STEAP1B: variants seen among roughly 807,000 people sequenced by gnomAD.
STEAP1B encodes STEAP family protein MGC87042.
STEAP1B carries 13 observed loss-of-function variants against 27.9 expected under a neutral mutation model. That is an observed-to-expected ratio of 0.47 (90% CI 0.30 to 0.74). The LOEUF (loss-of-function observed/expected upper bound fraction) is 0.74, where lower values mean the gene tolerates loss of function less well. STEAP1B is among the 30% of genes least tolerant of loss of function. STEAP1B has a pLI of 0.06. For synonymous variants in STEAP1B, 86 were observed against 107.1 expected (o/e 0.80, Z 1.22); for missense variants, 250 against 298.7 (o/e 0.84, Z 1.20).
intron 4 of STEAP1B, among the ~76,000 whole-genome samples, chr7:22,450,362 G>A (rs1435188702): frequency 6.6e-6 from 1 of 152,210 alleles, no homozygotes; most frequent in Admixed American, 6.5e-5. Context: ...TATGGTGAGA[G>A]ATAGGGGTCT....
chr7:22,464,983 TAAC>T (rs1562576602), intron 4 of STEAP1B, among the ~76,000 whole-genome samples: 1 of 25,770 alleles, frequency 3.9e-5, no homozygotes. Context: ...AATAAGAGAT[TAAC>T]AATAATAACT....
intron 4 of STEAP1B, among the ~76,000 whole-genome samples, chr7:22,472,955 T>G (rs1785910023): frequency 6.6e-6 from 1 of 152,168 alleles, no homozygotes; most frequent in South Asian, 2.1e-4. Context: ...GGGGCCTACC[T>G]CATAAGACTG....
chr7:22,493,523 C>G lies in STEAP1B; in HGVS notation c.398G>C (p.Gly133Ala), dbSNP rs748357885. ...AACTTGGACAATTGCTGCTATCACA[C>G]CTGGTAGGTAAACCAATGCCAAGAG... is the stretch of plus-strand genomic sequence containing the variant. ...ITLLALVYLPGVIAAIVQVHN... is the reference protein window; with the variant it reads ...ITLLALVYLPAVIAAIVQVHN... The change falls in exon 3 of 5, where the codon GGT (glycine) becomes GCT (alanine). Residue 133 changes from glycine to alanine, a missense_variant. Coordinates refer to ENST00000678116, the MANE Select transcript of STEAP1B (RefSeq NM_001382447.1). 2 of 1,613,850 alleles carry G rather than the reference C, an allele frequency of 1.2e-6. No individual in the cohort carries two copies. The highest frequency in any genetic ancestry group is 1.7e-5 in the Admixed American group (1 of 60,006).
intron 4 of STEAP1B, among the ~76,000 whole-genome samples, chr7:22,461,781 C>T (rs1159830549): frequency 6.6e-6 from 1 of 152,234 alleles, no homozygotes; most frequent in Non-Finnish European, 1.5e-5. Context: ...TCACCAGAGG[C>T]TGGGGTTCAG....
chr7:22,495,555 C>T (rs528600997), intron 1 of STEAP1B: 1 of 152,184 alleles, frequency 6.6e-6, no homozygotes, highest in African/African-American at 2.4e-5. Flanking sequence ...AGATCCTCAT[C>T]CAGGATTGGT....
intron 4 of STEAP1B, among the ~76,000 whole-genome samples, chr7:22,465,916 A>G (rs748584676): frequency 6.6e-6 from 1 of 152,166 alleles, no homozygotes; most frequent in Non-Finnish European, 1.5e-5. Flanking sequence ...TTCATTTACC[A>G]AAACTCAGAG....
intron 4 of STEAP1B, among the ~76,000 whole-genome samples, chr7:22,477,432 T>C (rs1331110869): frequency 6.6e-6 from 1 of 152,140 alleles, no homozygotes; most frequent in Non-Finnish European, 1.5e-5. Flanking sequence ...ATACATATTA[T>C]CTAACCACTG....
At chr7:22,480,524 C>A (rs757092501) in intron 4 of STEAP1B, among the ~76,000 whole-genome samples, 1 of 152,228 alleles carries the variant, frequency 6.6e-6, no homozygotes, top group African/African-American at 2.4e-5. Context: ...CAGGGAGACT[C>A]AGTCTGCAAA....
rs180914393 is a variant in STEAP1B, at chr7:22,423,728, G to T, written c.763-3892C>A. ...CTGTGCAAGTTTGTTAAAAATCATT[G>T]AATTGTCTATTTAAAATAGGCCAGG... On this transcript the variant is annotated intron_variant, in intron 4 of 4. Transcript: ENST00000678116. Among the ~76,000 whole-genome samples the T allele has an allele frequency of 2.2e-3, 337 of 152,278 alleles. 1 individual carries two copies. The highest frequency in any genetic ancestry group is 6.8e-3 in the Middle Eastern group (2 of 294).
Position 22,495,988 on chromosome 7 carries a change from A to C in STEAP1B, c.-31-1102T>G, listed in dbSNP as rs185588394. On this transcript the variant is annotated intron_variant, in intron 1 of 4. Coordinates refer to ENST00000678116, the MANE Select transcript of STEAP1B (RefSeq NM_001382447.1). ...GAGCTAACTGTAAACAGCCCTAGGC[A>C]GGTCCTTCAGGAGGTCTTCCAGAAG... Among the ~76,000 whole-genome samples, 1,430 of 152,346 alleles carry C rather than the reference A, an allele frequency of 9.4e-3. 16 individuals are homozygous for C. The highest frequency in any genetic ancestry group is 0.014 in the Non-Finnish European group (962 of 68,044).
intron 4 of STEAP1B, among the ~76,000 whole-genome samples, chr7:22,487,823 G>GA (rs1786240946): frequency 8.2e-6 from 1 of 122,284 alleles, no homozygotes; most frequent in Non-Finnish European, 1.8e-5. Flanking sequence ...AAAAAAAAAA[G>GA]AAAAAAGAAA....
intron 4 of STEAP1B, among the ~76,000 whole-genome samples, chr7:22,471,264 T>A (rs1583647496): frequency 1.3e-5 from 2 of 152,114 alleles, no homozygotes; most frequent in South Asian, 4.1e-4. Flanking sequence ...AAAACACTTC[T>A]AGAATTCTGA....
rs369820236 is a variant in STEAP1B at position 22,493,392 on chromosome 7, T to C, written c.529A>G (p.Ile177Val). Reference protein sequence around the residue: ...LSLFFAVLHAIYTLSYAMRRS... With the variant: ...LSLFFAVLHAVYTLSYAMRRS... Reference sequence around the variant, plus strand: ...CTCATTGCGTAAGACAGAGTATAAATTGCATGCAGTACAGCAAAAAACAAA... The same window carrying C: ...CTCATTGCGTAAGACAGAGTATAAACTGCATGCAGTACAGCAAAAAACAAA... Residue 177 changes from isoleucine to valine, a missense_variant, in exon 3 of 5, where the codon ATT (isoleucine) becomes GTT (valine). Coordinates refer to ENST00000678116, the MANE Select transcript of STEAP1B (RefSeq NM_001382447.1). 1.2e-5 allele frequency: 20 copies of C among 1,614,208 alleles called. No individual in the cohort carries two copies. The African/African-American group carries it at 1.7e-4, about 14-fold the overall frequency.
At chr7:22,477,565 T>G (rs1365650004) in intron 4 of STEAP1B, among the ~76,000 whole-genome samples, 3 of 152,228 alleles carry the variant, frequency 2.0e-5, no homozygotes, top group Non-Finnish European at 4.4e-5. Flanking sequence ...AAATAACGCA[T>G]GAAAGTACTC....
chr7:22,438,328 T>A (rs1423263876), intron 4 of STEAP1B: 17 of 840,238 alleles, frequency 2.0e-5, no homozygotes, highest in Non-Finnish European at 3.0e-5. Flanking sequence ...TTGTCCCACA[T>A]GTTTTATTTT....
At chr7:22,447,582 A>T (rs1785427911) in intron 4 of STEAP1B, among the ~76,000 whole-genome samples, 1 of 152,230 alleles carries the variant, frequency 6.6e-6, no homozygotes, top group Non-Finnish European at 1.5e-5. Context: ...CAAAGCTGAC[A>T]CAAATCACAT....
At chr7:22,473,055 C>T (rs942984137) in intron 4 of STEAP1B, among the ~76,000 whole-genome samples, 1 of 151,996 alleles carries the variant, frequency 6.6e-6, no homozygotes, top group Admixed American at 6.6e-5. Flanking sequence ...CTGAAGCAAG[C>T]CCAGGGCAGT....
chr7:22,492,349 G>GAAAAAAAAAAAAAAAAA (rs1371957621), intron 4 of STEAP1B: 32 of 185,138 alleles, frequency 1.7e-4, no homozygotes, highest in Admixed American at 3.3e-4. Context: ...AAAAAAAAAG[G>GAAAAAAAAAAAAAAAAA]ATATTTTAAT....
intron 4 of STEAP1B, among the ~76,000 whole-genome samples, chr7:22,443,547 A>G (rs1785365122): frequency 6.6e-6 from 1 of 152,206 alleles, no homozygotes; most frequent in East Asian, 1.9e-4. Flanking sequence ...AATCTATCCT[A>G]TCTGATGAGA....
Sources: gnomAD v4.1 joint callset for allele counts (sites outside exome capture counted in the v4.1 genomes callset) on GRCh38, gnomAD v4.1.1 for gene constraint, MANE v1.5 for transcripts, NCBI Gene and HGNC (gene_info 2026-07-23, HGNC 2026-07-21) for gene names.